DCDC2C: variants seen among roughly 807,000 people sequenced by gnomAD.
DCDC2C encodes doublecortin domain containing 2C.
Under a neutral mutation model 45.0 loss-of-function variants are expected in DCDC2C, and 44 were observed. The ratio of observed to expected loss-of-function variants is 0.98; its 90% confidence interval spans 0.77 to 1.26. DCDC2C has a LOEUF of 1.26. Among genes scored for constraint, DCDC2C ranks in the 50% most tolerant of loss-of-function variants. The pLI is 0.00. For missense variants in DCDC2C, 447 were observed against 468.9 expected (o/e 0.95, Z 0.43); for synonymous variants, 187 against 178.8 (o/e 1.05, Z -0.37).
intron 10 of DCDC2C, among the ~76,000 whole-genome samples, chr2:3,801,368 G>T (rs989841645): frequency 6.6e-6 from 1 of 152,230 alleles, no homozygotes; most frequent in African/African-American, 2.4e-5. Flanking sequence ...CTGAAGGGCT[G>T]CTGGGAGGGG....
Position 3,703,610 on chromosome 2 carries a change from C to T in DCDC2C, c.-142C>T. On this transcript the variant is annotated 5_prime_UTR_variant, in exon 1 of 11. Coordinates refer to ENST00000399143, the MANE Select transcript of DCDC2C (RefSeq NM_001287444.2). The surrounding 1 kb of genome is among the most constrained non-coding windows in gnomAD (Gnocchi z 4.4). Reference sequence around the variant, plus strand: ...CGTCCCCGTCCAGCCCCCGTCCCGTCCCCGTCCCGTCCCCGTCCTGCGCCA... The same window carrying T: ...CGTCCCCGTCCAGCCCCCGTCCCGTTCCCGTCCCGTCCCCGTCCTGCGCCA... The T allele has an allele frequency of 1.2e-6, 1 of 822,134 alleles. No individual in the cohort carries two copies. Among genetic ancestry groups the T allele is most frequent in the Non-Finnish European group, 1.6e-6 (1 of 626,756 alleles). 50.9% of individuals were successfully genotyped at this position (822,134 alleles called of 1,614,324 possible).
chr2:3,741,281 G>A (rs1269779814), intron 3 of DCDC2C, among the ~76,000 whole-genome samples: 2 of 152,164 alleles, frequency 1.3e-5, no homozygotes, highest in African/African-American at 2.4e-5. Flanking sequence ...TCCAGAGAAA[G>A]GGAAAACAGC....
chr2:3,754,680 G>A, intron 6 of DCDC2C, 46 bp downstream of exon 6: 1 of 1,508,376 alleles, frequency 6.6e-7, no homozygotes, highest in Non-Finnish European at 9.0e-7. Flanking sequence ...TCTGATTCTG[G>A]CGTCTTCTGG....
At chr2:3,709,575 C>T (rs1490398440) in intron 2 of DCDC2C, among the ~76,000 whole-genome samples, 2 of 152,170 alleles carry the variant, frequency 1.3e-5, no homozygotes, top group Admixed American at 1.3e-4. Context: ...TGTAACTTGC[C>T]AAGGACGAGA....
chr2:3,730,843 A>G (rs1558567881), intron 3 of DCDC2C, among the ~76,000 whole-genome samples: 1 of 152,238 alleles, frequency 6.6e-6, no homozygotes. Flanking sequence ...CTCCAGTGGT[A>G]TACTGAGTTG....
At chr2:3,791,603 C>T (rs184672701) in intron 10 of DCDC2C, among the ~76,000 whole-genome samples, 4 of 152,338 alleles carry the variant, frequency 2.6e-5, no homozygotes, top group Admixed American at 6.5e-5. Context: ...CTCCTGGTTG[C>T]TAGGCTGAGG....
chr2:3,804,369 C>A (rs1327432006), intron 10 of DCDC2C, among the ~76,000 whole-genome samples: 1 of 152,174 alleles, frequency 6.6e-6, no homozygotes, highest in African/African-American at 2.4e-5. Context: ...TTCTATTCTG[C>A]CTCATGCCTT....
chr2:3,723,575 A>G (rs550329038), intron 2 of DCDC2C, among the ~76,000 whole-genome samples: 1 of 152,312 alleles, frequency 6.6e-6, no homozygotes, highest in African/African-American at 2.4e-5. Context: ...CCCGAGGCTC[A>G]GTGTGAGGGG....
At chr2:3,714,932 C>A (rs1266901036) in intron 2 of DCDC2C, among the ~76,000 whole-genome samples, 1 of 152,090 alleles carries the variant, frequency 6.6e-6, no homozygotes, top group South Asian at 2.1e-4. Context: ...AAAAAGTACC[C>A]TATAATTCAT....
intron 10 of DCDC2C, among the ~76,000 whole-genome samples, chr2:3,797,252 T>G (rs1345747979): frequency 6.6e-6 from 1 of 152,228 alleles, no homozygotes; most frequent in East Asian, 1.9e-4. Flanking sequence ...TATTTGATTC[T>G]TCTCTCTTTT....
intron 10 of DCDC2C, among the ~76,000 whole-genome samples, chr2:3,820,061 G>A (rs1671649765): frequency 6.6e-6 from 1 of 152,148 alleles, no homozygotes. Context: ...AGACAGGAGA[G>A]AAAGAAGAAA....
At position 3,788,230 on chromosome 2, in the gene DCDC2C, C is replaced by G. The variant is rs116223990; in HGVS notation, c.1065+3130C>G. On this transcript the variant is annotated intron_variant, in intron 10 of 10. Transcript: ENST00000399143. ...AGTAAACAGATTGAATAATTATCCA[C>G]TAACAGATTTTAAAATGTAAACTAC... Among the ~76,000 whole-genome samples, 1,175 of 152,298 alleles carry G rather than the reference C, an allele frequency of 7.7e-3. 14 individuals are homozygous for G. Among genetic ancestry groups the G allele is most frequent in the African/African-American group, 0.027 (1,128 of 41,558 alleles).
chr2:3,781,705 A>C (rs1406628430), intron 9 of DCDC2C, among the ~76,000 whole-genome samples: 1 of 152,072 alleles, frequency 6.6e-6, no homozygotes, highest in Non-Finnish European at 1.5e-5. Context: ...ACAAAAAATT[A>C]GTGAAATAAA....
chr2:3,708,556 C>A lies in DCDC2C; in HGVS notation c.295C>A (p.His99Asn). ...RERFKELDYI[H>N]IVPRKPAKIR... is the part of the protein sequence containing the mutation. ...TTCTTTCTTCTTTTGCAGTTATATT[C>A]ATATAGTTCCCCGAAAACCTGCAAA... is the stretch of plus-strand genomic sequence containing the variant. The change falls in exon 2 of 11, where the codon CAT (histidine) becomes AAT (asparagine). Residue 99 changes from histidine to asparagine, a missense_variant. By Grantham distance (68) the His-to-Asn change is moderately conservative. Coordinates refer to ENST00000399143, the MANE Select transcript of DCDC2C (RefSeq NM_001287444.2). 6.5e-7 allele frequency: 1 copy of A among 1,545,812 alleles called. No individual in the cohort carries two copies. Among genetic ancestry groups the A allele is most frequent in the South Asian group, 1.2e-5 (1 of 83,346 alleles).
intron 2 of DCDC2C, among the ~76,000 whole-genome samples, chr2:3,711,261 T>C (rs931601799): frequency 6.6e-6 from 1 of 152,124 alleles, no homozygotes; most frequent in Non-Finnish European, 1.5e-5. Flanking sequence ...GAGGCAGAAA[T>C]AGCATTTGGC....
chr2:3,779,317 G>C (rs1275148167), intron 9 of DCDC2C, among the ~76,000 whole-genome samples: 1 of 152,210 alleles, frequency 6.6e-6, no homozygotes, highest in African/African-American at 2.4e-5. Flanking sequence ...GCACGAGGGT[G>C]AGGGCGTGCG....
At chr2:3,749,662 G>A (rs772702488) in intron 4 of DCDC2C, among the ~76,000 whole-genome samples, 7 of 152,176 alleles carry the variant, frequency 4.6e-5, no homozygotes, top group Non-Finnish European at 7.3e-5. Context: ...TTCCTCCAGC[G>A]TGTGGGCGGC....
At chr2:3,737,355 C>T (rs372561698) in intron 3 of DCDC2C, among the ~76,000 whole-genome samples, 56 of 152,242 alleles carry the variant, frequency 3.7e-4, no homozygotes, top group African/African-American at 8.7e-4. Context: ...GAGGGGAGGG[C>T]GCAGGCGGCC....
intron 9 of DCDC2C, among the ~76,000 whole-genome samples, chr2:3,779,226 A>G (rs964534130): frequency 2.6e-5 from 4 of 152,256 alleles, no homozygotes; most frequent in African/African-American, 7.2e-5. Flanking sequence ...GCAGGTGTGC[A>G]GGTGGCTGTG....
Sources: allele counts gnomAD v4.1 joint callset (sites outside exome capture counted in the v4.1 genomes callset), GRCh38; gene constraint gnomAD v4.1.1; non-coding constraint Gnocchi (gnomAD v3.1); transcripts MANE v1.5; gene names NCBI Gene and HGNC (gene_info 2026-07-23, HGNC 2026-07-21).